The following PRR14L variants were observed in gnomAD, a reference collection of about 807,000 sequenced individuals.
PRR14L encodes proline rich 14 like, also known as protein PRR14L.
A neutral mutation model predicts 155.0 loss-of-function variants in PRR14L; 80 were observed. The observed-to-expected ratio is 0.52, with a 90% CI of 0.43 to 0.62. PRR14L has a LOEUF of 0.62. Among genes scored for constraint, PRR14L ranks in the 20% least tolerant of loss-of-function variants. The pLI is 0.00. For missense variants in PRR14L, 2,469 were observed against 2,548.0 expected (o/e 0.97, Z 0.67); for synonymous variants, 883 against 916.0 (o/e 0.96, Z 0.65).
chr22:31,718,297 C>A (rs1287561461), intron 3 of PRR14L, among the ~76,000 whole-genome samples: 1 of 150,056 alleles, frequency 6.7e-6, no homozygotes, highest in African/African-American at 2.5e-5. Flanking sequence ...GCTTTGTCGC[C>A]CAGGCTGGAG....
chr22:31,747,407 C>T (rs2074844807), intron 1 of PRR14L, among the ~76,000 whole-genome samples: 1 of 150,890 alleles, frequency 6.6e-6, no homozygotes, highest in African/African-American at 2.4e-5. Flanking sequence ...AGCCACCGCG[C>T]CTGGCCTCTC....
At chr22:31,747,851 G>T (rs1034857843) in intron 1 of PRR14L, among the ~76,000 whole-genome samples, 1 of 149,422 alleles carries the variant, frequency 6.7e-6, no homozygotes, top group Non-Finnish European at 1.5e-5. Flanking sequence ...ACCTACCAGT[G>T]AAGGATTAAC....
intron 3 of PRR14L, among the ~76,000 whole-genome samples, chr22:31,721,563 CAA>C (rs1248470470): frequency 1.5e-4 from 13 of 88,142 alleles, no homozygotes; most frequent in African/African-American, 1.3e-4. Context: ...GCAAGACTCA[CAA>C]AAAAAAAAAA....
chr22:31,692,244 A>AT (rs376439908), intron 7 of PRR14L, among the ~76,000 whole-genome samples: 1,515 of 148,142 alleles, frequency 0.01, 11 homozygotes, highest in African/African-American at 0.014. Flanking sequence ...GGAACTGCCA[A>AT]TTTTTTTTTT....
chr22:31,707,113 T>C (rs2074596334), intron 4 of PRR14L, among the ~76,000 whole-genome samples: 1 of 151,984 alleles, frequency 6.6e-6, no homozygotes, highest in Non-Finnish European at 1.5e-5. Context: ...AGGCACATGA[T>C]GTTAAGGTAT....
chr22:31,744,613 C>T (rs1028690511), intron 1 of PRR14L, among the ~76,000 whole-genome samples: 1 of 152,130 alleles, frequency 6.6e-6, no homozygotes, highest in Non-Finnish European at 1.5e-5. Flanking sequence ...AGAAAAGGCA[C>T]CATCAATATT....
At chr22:31,686,994 T>C (rs2074485210) in intron 8 of PRR14L, among the ~76,000 whole-genome samples, 1 of 152,210 alleles carries the variant, frequency 6.6e-6, no homozygotes, top group Non-Finnish European at 1.5e-5. Flanking sequence ...GAAGTCAGCA[T>C]ATTTGGTAAA....
At chr22:31,704,452 G>T in intron 5 of PRR14L, 10 of 400,694 alleles carry the variant, frequency 2.5e-5, no homozygotes, top group South Asian at 2.0e-4. Context: ...TTAACAAATT[G>T]TATTATTACA....
intron 8 of PRR14L, among the ~76,000 whole-genome samples, chr22:31,687,321 C>T (rs543139790): frequency 1.3e-5 from 2 of 150,944 alleles, no homozygotes; most frequent in Non-Finnish European, 2.9e-5. Flanking sequence ...CAGGTGTCAG[C>T]CACTGCACCT....
intron 1 of PRR14L, among the ~76,000 whole-genome samples, chr22:31,743,175 G>A (rs993055438): frequency 9.2e-5 from 14 of 152,102 alleles, no homozygotes; most frequent in Non-Finnish European, 7.4e-5. Context: ...GGTGGCACGC[G>A]CCTGTAGTCC....
intron 7 of PRR14L, among the ~76,000 whole-genome samples, chr22:31,691,969 G>A (rs938619169): frequency 6.6e-6 from 1 of 151,878 alleles, no homozygotes; most frequent in African/African-American, 2.4e-5. Flanking sequence ...CTGCGTTAAG[G>A]CAATTCTCCT....
chr22:31,727,493 T>C (rs1166627313), intron 2 of PRR14L, among the ~76,000 whole-genome samples: 2 of 151,630 alleles, frequency 1.3e-5, no homozygotes, highest in Non-Finnish European at 2.9e-5. Context: ...CCTTGGCCTC[T>C]CAAAGTGCTA....
At chr22:31,744,074 G>A (rs1384491918) in intron 1 of PRR14L, among the ~76,000 whole-genome samples, 1 of 147,686 alleles carries the variant, frequency 6.8e-6, no homozygotes, top group African/African-American at 2.5e-5. Flanking sequence ...CTGGAGTGTG[G>A]TGGTGCGATC....
chr22:31,743,943 G>C (rs1360491912), intron 1 of PRR14L, among the ~76,000 whole-genome samples: 1 of 150,662 alleles, frequency 6.6e-6, no homozygotes, highest in African/African-American at 2.4e-5. Flanking sequence ...CTGAGTCTTT[G>C]AGTCTTTCTA....
At chr22:31,742,746 C>T (rs907396698) in intron 1 of PRR14L, among the ~76,000 whole-genome samples, 8 of 152,110 alleles carry the variant, frequency 5.3e-5, no homozygotes, top group Non-Finnish European at 1.2e-4. Context: ...AAACATATGT[C>T]CACATAAAAA....
At chr22:31,736,324 T>G (rs1214084698) in intron 2 of PRR14L, among the ~76,000 whole-genome samples, 1 of 150,174 alleles carries the variant, frequency 6.7e-6, no homozygotes, top group East Asian at 2.0e-4. Context: ...AGGTGGAGGT[T>G]GCAGTGAGCT....
At chr22:31,702,306 T>C (rs938960692) in intron 6 of PRR14L, among the ~76,000 whole-genome samples, 1 of 152,188 alleles carries the variant, frequency 6.6e-6, no homozygotes, top group Non-Finnish European at 1.5e-5. Context: ...CACCGCAACC[T>C]CTGCCTCCCA....
At chr22:31,710,953 T>C (rs1299612793) in intron 4 of PRR14L, among the ~76,000 whole-genome samples, 2 of 152,224 alleles carry the variant, frequency 1.3e-5, no homozygotes, top group Non-Finnish European at 2.9e-5. Flanking sequence ...TTTTGAAGCC[T>C]CTACATTGCC....
intron 4 of PRR14L, among the ~76,000 whole-genome samples, chr22:31,708,638 T>C (rs980725033): frequency 6.6e-6 from 1 of 150,540 alleles, no homozygotes; most frequent in Non-Finnish European, 1.5e-5. Flanking sequence ...CCAGCAGTCT[T>C]GTTGCTGTTG....
Sources: gnomAD v4.1 joint callset for allele counts (sites outside exome capture counted in the v4.1 genomes callset) on GRCh38, gnomAD v4.1.1 for gene constraint, MANE v1.5 for transcripts, NCBI Gene and HGNC (gene_info 2026-07-23, HGNC 2026-07-21) for gene names.